PRRC2C: variants seen among roughly 807,000 people sequenced by gnomAD.
The protein encoded by PRRC2C is proline rich coiled-coil 2C.
PRRC2C carries 72 observed loss-of-function variants against 317.2 expected under a neutral mutation model. The observed-to-expected ratio is 0.23, with a 90% CI of 0.19 to 0.28. PRRC2C has a LOEUF of 0.28. Among genes scored for constraint, PRRC2C ranks in the 10% least tolerant of loss-of-function variants. The pLI, the probability that PRRC2C is intolerant of heterozygous loss-of-function variation, is 1.00. For missense variants in PRRC2C, 3,074 were observed against 3,459.7 expected, an observed-to-expected ratio of 0.89 and a Z score of 2.80; for synonymous variants, 1,296 against 1,205.9, an observed-to-expected ratio of 1.07 and a Z score of -1.55.
At chr1:171,513,411 C>A in intron 3 of PRRC2C, 1 of 597,854 alleles carries the variant, frequency 1.7e-6, no homozygotes, top group Non-Finnish European at 3.1e-6. Flanking sequence ...TATGTCATAG[C>A]CTTTATTAGG....
rs544913165 is a variant in PRRC2C at position 171,496,254 on chromosome 1, G to A, written c.-58+10519G>A. 3.7e-4 allele frequency among the ~76,000 whole-genome samples: 49 copies of A among 132,160 alleles called. 1 individual carries two copies. The South Asian group carries it at 0.012, about 33-fold the overall frequency. 86.7% of individuals were successfully genotyped at this position (132,160 alleles called of 152,430 possible). A position where few individuals can be genotyped will look rare whatever the true frequency, so the allele number is the denominator to read the frequency against. ...GTCTCCCCCTGTTGCCCTGGCTGGAGTACAGTGGTGCTATCTTGGCTCACT... is the reference window on the plus strand; with the variant it reads ...GTCTCCCCCTGTTGCCCTGGCTGGAATACAGTGGTGCTATCTTGGCTCACT... On this transcript the variant is annotated intron_variant, in intron 1 of 34. Coordinates refer to ENST00000647382, the MANE Select transcript of PRRC2C (RefSeq NM_001387844.1).
chr1:171,532,658 GAAC>G lies in PRRC2C; in HGVS notation c.1573_1575del (p.Gln525del), dbSNP rs1335062167. 2 of 1,551,386 alleles carry G rather than the reference GAAC, an allele frequency of 1.3e-6. No individual in the cohort carries two copies. Among genetic ancestry groups the G allele is most frequent in the African/African-American group, 2.7e-5 (2 of 73,008 alleles). On this transcript the variant is annotated inframe_deletion, in exon 12 of 35. Transcript: ENST00000647382. ...GGAGCGTGAGAAAGAACTTGAAAAA[GAAC>G]AAGAACAGGAGCGAGAGAAGGAGAG...
chr1:171,502,527 T>C (rs1195059231), intron 1 of PRRC2C, among the ~76,000 whole-genome samples: 1 of 152,204 alleles, frequency 6.6e-6, no homozygotes, highest in Admixed American at 6.5e-5. Context: ...AGTTGAGTTT[T>C]TCATTTCTAC....
intron 18 of PRRC2C, 27 bp from the exon 19 acceptor site, chr1:171,557,213 A>C: frequency 5.3e-6 from 8 of 1,516,538 alleles, no homozygotes; most frequent in Non-Finnish European, 6.2e-6. Context: ...CATTATTGAC[A>C]AAAATGGTCC....
intron 18 of PRRC2C, among the ~76,000 whole-genome samples, chr1:171,552,461 T>C (rs1680448982): frequency 6.6e-6 from 1 of 152,206 alleles, no homozygotes; most frequent in African/African-American, 2.4e-5. Context: ...TATTTATTTC[T>C]CTTCCCTGAT....
At chr1:171,565,540 C>T (rs1001280176) in intron 20 of PRRC2C, among the ~76,000 whole-genome samples, 4 of 152,166 alleles carry the variant, frequency 2.6e-5, no homozygotes, top group East Asian at 1.9e-4. Context: ...GTCCACCTCC[C>T]GGGTTCAAGC....
At chr1:171,488,885 G>A (rs953269826) in intron 1 of PRRC2C, among the ~76,000 whole-genome samples, 2 of 152,114 alleles carry the variant, frequency 1.3e-5, no homozygotes, top group Admixed American at 1.3e-4. Flanking sequence ...GTGTGGTGCT[G>A]CTATGTGCTC....
Position 171,540,375 on chromosome 1 carries a change from A to G in PRRC2C, c.2909A>G (p.Lys970Arg). 1 of 1,612,404 alleles carries G rather than the reference A, an allele frequency of 6.2e-7. No individual in the cohort carries two copies. Among genetic ancestry groups the G allele is most frequent in the Non-Finnish European group, 8.5e-7 (1 of 1,179,498 alleles). ...ATAGAAAGGCCAGAGGAGAAACCAA[A>G]AAAGGAAGGCTTTATACGATCTTCT... Reference protein sequence around the residue: ...EPIERPEEKPKKEGFIRSSEG... With the variant: ...EPIERPEEKPRKEGFIRSSEG... Residue 970 changes from lysine to arginine, a missense_variant, in exon 16 of 35, where the codon AAA (lysine) becomes AGA (arginine). Physicochemically the swap from Lys to Arg is conservative, Grantham distance 26 (BLOSUM62 2). Coordinates refer to ENST00000647382, the MANE Select transcript of PRRC2C (RefSeq NM_001387844.1).
chr1:171,541,346 C>A lies in PRRC2C; in HGVS notation c.3880C>A (p.Arg1294=). 1 of 1,611,894 alleles carries A rather than the reference C, an allele frequency of 6.2e-7. No homozygotes were observed. The highest frequency in any genetic ancestry group is 8.5e-7 in the Non-Finnish European group (1 of 1,179,402). Residue 1294 remains arginine, a synonymous_variant, in exon 16 of 35, where the codon CGG becomes AGG. Coordinates refer to ENST00000647382, the MANE Select transcript of PRRC2C (RefSeq NM_001387844.1). The surrounding 1 kb of genome is among the most constrained non-coding windows in gnomAD (Gnocchi z 4.1). ...AGGCAAACTTCCCAAAAGAGAGGAA[C>A]GGCCTGAAAACAAAAAACCTGTAAA... ...SKGKLPKREE[R]PENKKPVKPH...
chr1:171,557,334 A>G lies in PRRC2C; in HGVS notation c.5222A>G (p.Gln1741Arg). ...AAAAAACAGGCTACAGGGATCCAGC[A>G]AGCACAGTCTTCAGCCTCAGTTCCA... is the stretch of plus-strand genomic sequence containing the variant. ...FAKKQATGIQ[Q>R]AQSSASVPPL... Residue 1741 changes from glutamine to arginine, a missense_variant, in exon 19 of 35, where the codon CAA (glutamine) becomes CGA (arginine). Gln to Arg is a conservative substitution (Grantham distance 43). This residue lies in a region of PRRC2C where 640 missense variants were observed against 676.1 expected (regional missense o/e 0.95). Transcript: ENST00000647382. The G allele has an allele frequency of 6.4e-7, 1 of 1,551,984 alleles. No individual in the cohort carries two copies. Among genetic ancestry groups the G allele is most frequent in the Non-Finnish European group, 8.7e-7 (1 of 1,147,042 alleles).
Position 171,541,473 on chromosome 1 carries a change from T to C in PRRC2C, c.4007T>C (p.Leu1336Pro), listed in dbSNP as rs1469342054. ...RDDDKAKPGF[L>P]PKGEPTRRGR... The stretch of plus-strand genomic sequence containing the variant: ...GACGATAAAGCTAAACCAGGCTTTC[T>C]TCCTAAAGGAGAGCCTACAAGGAGA... Residue 1336 changes from leucine to proline, a missense_variant, in exon 16 of 35, where the codon CTT (leucine) becomes CCT (proline). Transcript: ENST00000647382. The surrounding 1 kb of genome is among the most constrained non-coding windows in gnomAD (Gnocchi z 4.1). The C allele has an allele frequency of 2.5e-6, 4 of 1,613,684 alleles. No homozygotes were observed. Among genetic ancestry groups the C allele is most frequent in the Admixed American group, 1.7e-5 (1 of 59,968 alleles).
chr1:171,559,505 G>GTTTTTTTTTTTTTTTTTTTTTTTTTTTT lies in PRRC2C; in HGVS notation c.6031+1365_6031+1366insTTTTTTTTTTTTTTTTTTTTTTTTTTTT, dbSNP rs1236663155. On this transcript the variant is annotated intron_variant, in intron 19 of 34. Transcript: ENST00000647382. ...ATCTGTTTACAAAATGGCATACCAA[G>GTTTTTTTTTTTTTTTTTTTTTTTTTTTT]TTTGTTTTTTTTTTTTTTTTTTTTT... Among the ~76,000 whole-genome samples, 14 of 95,124 alleles carry GTTTTTTTTTTTTTTTTTTTTTTTTTTTT rather than the reference G, an allele frequency of 1.5e-4. 7 individuals are homozygous for GTTTTTTTTTTTTTTTTTTTTTTTTTTTT. Among genetic ancestry groups the GTTTTTTTTTTTTTTTTTTTTTTTTTTTT allele is most frequent in the Non-Finnish European group, 1.6e-4 (8 of 50,628 alleles). The allele number at this position is 95,124 out of a possible 152,430, so 62.4% of individuals were successfully genotyped here.
intron 24 of PRRC2C, among the ~76,000 whole-genome samples, chr1:171,574,613 G>T (rs1032723965): frequency 3.9e-5 from 6 of 152,198 alleles, no homozygotes; most frequent in Non-Finnish European, 8.8e-5. Context: ...AAGCATTGGA[G>T]TAAAAAGAAA....
chr1:171,513,470 G>A, intron 3 of PRRC2C: 1 of 504,232 alleles, frequency 2.0e-6, no homozygotes, highest in African/African-American at 1.9e-5. Flanking sequence ...TTTCCAATAT[G>A]ATTAAGAGTT....
intron 18 of PRRC2C, among the ~76,000 whole-genome samples, chr1:171,555,637 A>T (rs918946357): frequency 3.3e-5 from 5 of 152,212 alleles, no homozygotes; most frequent in Non-Finnish European, 5.9e-5. Context: ...GGTGACCTAC[A>T]GATGGGGTTT....
At chr1:171,545,734 T>TGTA in intron 17 of PRRC2C, 47 bp downstream of exon 17, 1 of 1,117,112 alleles carries the variant, frequency 9.0e-7, no homozygotes. Flanking sequence ...TATTTATTTA[T>TGTA]TTATTTATTT....
At position 171,541,934 on chromosome 1, in the gene PRRC2C, T is replaced by C; in HGVS notation, c.4468T>C (p.Ser1490Pro). 6.2e-7 allele frequency: 1 copy of C among 1,613,628 alleles called. No homozygotes were observed. The highest frequency in any genetic ancestry group is 8.5e-7 in the Non-Finnish European group (1 of 1,179,794). ...GACACCAGATTTATCTAATCAGAAC[T>C]CTTCAGATCAGGCAAATGAAGAATG... ...NKTPDLSNQNSSDQANEEWET... is the reference protein window; with the variant it reads ...NKTPDLSNQNPSDQANEEWET... Residue 1490 changes from serine to proline, a missense_variant, in exon 16 of 35, where the codon TCT becomes CCT. Physicochemically the swap from Ser to Pro is moderately conservative, Grantham distance 74. This residue lies in a region of PRRC2C where 1,320 missense variants were observed against 1,395.7 expected (regional missense o/e 0.95). Transcript: ENST00000647382. This position sits in a 1 kb window ranked among gnomAD's most constrained non-coding sequence, Gnocchi z 4.1.
At chr1:171,588,255 T>G in intron 32 of PRRC2C, 124 bp from the exon 33 acceptor site, 2 of 1,069,652 alleles carry the variant, frequency 1.9e-6, no homozygotes, top group Non-Finnish European at 2.8e-6. Flanking sequence ...GTTTTGGTAA[T>G]CATCATAGTA....
chr1:171,586,971 ATTGCTT>A, intron 30 of PRRC2C, 26 bp from the exon 31 acceptor site: 1 of 1,478,106 alleles, frequency 6.8e-7, no homozygotes, highest in Non-Finnish European at 9.3e-7. Context: ...ACAGAAACAA[ATTGCTT>A]CAGTTTCTCT....
Sources: gnomAD v4.1 joint callset for allele counts (sites outside exome capture counted in the v4.1 genomes callset) on GRCh38, gnomAD v4.1.1 for gene constraint, gnomAD v4.1.1 regional missense constraint, Gnocchi (gnomAD v3.1) non-coding constraint, MANE v1.5 for transcripts, NCBI Gene and HGNC (gene_info 2026-07-23, HGNC 2026-07-21) for gene names.